ANXA13: variants seen among roughly 807,000 people sequenced by gnomAD.
ANXA13 encodes annexin A13.
A neutral mutation model predicts 46.6 loss-of-function variants in ANXA13; 36 were observed. The ratio of observed to expected loss-of-function variants is 0.77; its 90% CI spans 0.59 to 1.02. The LOEUF (loss-of-function observed/expected upper bound fraction) is 1.02, where lower values mean the gene tolerates loss of function less well. Ranked by LOEUF, ANXA13 falls within the 50% of genes least tolerant of loss-of-function variation. The pLI is 0.00. For missense variants in ANXA13, 417 were observed against 396.5 expected (o/e 1.05, Z -0.44); for synonymous variants, 163 against 152.9 (o/e 1.07, Z -0.49).
intron 2 of ANXA13, among the ~76,000 whole-genome samples, chr8:123,703,036 C>T (rs1420753330): frequency 6.6e-6 from 1 of 152,128 alleles, no homozygotes; most frequent in African/African-American, 2.4e-5. Context: ...AAACATATGT[C>T]CACCCAACAA....
intron 2 of ANXA13, among the ~76,000 whole-genome samples, chr8:123,709,537 T>G (rs1487859376): frequency 6.6e-6 from 1 of 152,156 alleles, no homozygotes; most frequent in East Asian, 1.9e-4. Context: ...GTTTTTTGAA[T>G]TTTTGCAATC....
At chr8:123,726,942 G>A (rs1460689871) in intron 1 of ANXA13, among the ~76,000 whole-genome samples, 2 of 152,168 alleles carry the variant, frequency 1.3e-5, no homozygotes, top group Non-Finnish European at 2.9e-5. Context: ...TCTAAGTGAA[G>A]TAACTCAGGA....
intron 1 of ANXA13, among the ~76,000 whole-genome samples, chr8:123,715,277 T>C (rs1167328559): frequency 6.6e-6 from 1 of 152,220 alleles, no homozygotes; most frequent in East Asian, 1.9e-4. Context: ...CCCTATGCAG[T>C]TGCAGAGGCT....
rs150167681 is a variant in ANXA13, at chr8:123,695,543, T to C, written c.430A>G (p.Thr144Ala). Residue 144 changes from threonine to alanine, a missense_variant, in exon 6 of 11, where the codon ACA becomes GCA. Transcript: ENST00000419625. ...RSLESDVKGD[T>A]SGNLKKILVS... Reference sequence around the variant, plus strand: ...AGGATTTTTTTTAGGTTTCCACTTGTATCACCTTTGACATCTGATTCGAGG... The same window carrying C: ...AGGATTTTTTTTAGGTTTCCACTTGCATCACCTTTGACATCTGATTCGAGG... 545 of 1,614,178 alleles carry C rather than the reference T, an allele frequency of 3.4e-4. 1 individual carries two copies. In the African/African-American group the frequency reaches 6.8e-3, roughly 20 times the overall value.
intron 1 of ANXA13, among the ~76,000 whole-genome samples, chr8:123,717,772 G>A (rs1349434515): frequency 6.6e-6 from 1 of 152,308 alleles, no homozygotes; most frequent in African/African-American, 2.4e-5. Context: ...GGAGTAGGCC[G>A]AGGCGACTTT....
chr8:123,681,250 A>G lies in ANXA13; in HGVS notation c.941T>C (p.Leu314Pro). The G allele has an allele frequency of 6.2e-7, 1 of 1,613,496 alleles. No individual in the cohort carries two copies. Among genetic ancestry groups the G allele is most frequent in the Middle Eastern group, 1.7e-4 (1 of 6,060 alleles). The stretch of plus-strand genomic sequence containing the variant: ...TTGCCCTGGCTTGGCTCAGTGCAAG[A>G]GGGCTACTAGCAGTTTCCGGAAGTC... ...SGDFRKLLVA[L>P]LH is the part of the protein sequence containing the mutation. Residue 314 changes from leucine (L) to proline (P), a missense_variant, in exon 11 of 11, where the codon CTC (leucine) becomes CCC (proline). Physicochemically the swap from Leu to Pro is moderately conservative, Grantham distance 98. Coordinates refer to ENST00000419625, the MANE Select transcript of ANXA13 (RefSeq NM_004306.4).
At chr8:123,733,190 T>A (rs1412699318) in intron 1 of ANXA13, among the ~76,000 whole-genome samples, 1 of 148,086 alleles carries the variant, frequency 6.8e-6, no homozygotes, top group Non-Finnish European at 1.5e-5. Context: ...CCTAATCTTA[T>A]TTATTTAAGA....
chr8:123,730,894 C>T (rs544399931), intron 1 of ANXA13, among the ~76,000 whole-genome samples: 14 of 152,182 alleles, frequency 9.2e-5, no homozygotes, highest in East Asian at 3.9e-4. Context: ...GGGAGTTCTC[C>T]GGGCTGCATT....
Position 123,681,156 on chromosome 8 carries a change from C to A in ANXA13, c.*84G>T, listed in dbSNP as rs1352786101. ...TCCGGGACTCTTAAGGGTTTTCGTGCGGGAGTCTCATTTGCAAGTTTGATT... is the reference window on the plus strand; with the variant it reads ...TCCGGGACTCTTAAGGGTTTTCGTGAGGGAGTCTCATTTGCAAGTTTGATT... On this transcript the variant is annotated 3_prime_UTR_variant, in exon 11 of 11. Transcript: ENST00000419625. The A allele has an allele frequency of 6.7e-6, 10 of 1,495,884 alleles. No individual in the cohort carries two copies. Among genetic ancestry groups the A allele is most frequent in the Middle Eastern group, 2.3e-4 (1 of 4,422 alleles). 92.7% of individuals were successfully genotyped at this position (1,495,884 alleles called of 1,614,324 possible).
rs771846238 is a variant in ANXA13, at chr8:123,681,218, G to C, written c.*22C>G. 6.3e-7 allele frequency: 1 copy of C among 1,587,860 alleles called. No homozygotes were observed. The highest frequency in any genetic ancestry group is 8.6e-7 in the Non-Finnish European group (1 of 1,167,600). Reference sequence around the variant, plus strand: ...CTTGACAAAGGCGGTTCCACCCTGTGTTCCTATTGCCCTGGCTTGGCTCAG... The same window carrying C: ...CTTGACAAAGGCGGTTCCACCCTGTCTTCCTATTGCCCTGGCTTGGCTCAG... On this transcript the variant is annotated 3_prime_UTR_variant, in exon 11 of 11. Coordinates refer to ENST00000419625, the MANE Select transcript of ANXA13 (RefSeq NM_004306.4).
Position 123,715,631 on chromosome 8 carries a change from TG to T in ANXA13, c.16-2879del, listed in dbSNP as rs541596627. Among the ~76,000 whole-genome samples the T allele has an allele frequency of 2.0e-3, 301 of 152,334 alleles. 2 individuals are homozygous for T. Among genetic ancestry groups the T allele is most frequent in the African/African-American group, 7.0e-3 (292 of 41,584 alleles). Reference sequence around the variant, plus strand: ...CTGCCTGAGGCCCTGGCTGAGGGGCTGGGGCAGAACTGAGCTGGGGGCATGC... The same window carrying T: ...CTGCCTGAGGCCCTGGCTGAGGGGCTGGGCAGAACTGAGCTGGGGGCATGC... On this transcript the variant is annotated intron_variant, in intron 1 of 10. Transcript: ENST00000419625.
chr8:123,682,599 A>G (rs529008447), intron 10 of ANXA13, among the ~76,000 whole-genome samples: 48 of 152,238 alleles, frequency 3.2e-4, no homozygotes, highest in African/African-American at 1.1e-3. Flanking sequence ...GAGGGTTTGC[A>G]GTGGATGTGG....
chr8:123,702,882 C>T lies in ANXA13; in HGVS notation c.92-146G>A, dbSNP rs1813470929. On this transcript the variant is annotated intron_variant, in intron 2 of 10. Coordinates refer to ENST00000419625, the MANE Select transcript of ANXA13 (RefSeq NM_004306.4). ...ACCCAACGGACCCTTAGCTTTGATG[C>T]CTTGTGCTGAAAACTGTATTCTTTT... The T allele has an allele frequency of 1.2e-5, 8 of 667,364 alleles. No individual in the cohort carries two copies. The Admixed American group carries it at 1.3e-4, about 11-fold the overall frequency. The allele number at this position is 667,364 out of a possible 1,614,324, so 41.3% of individuals were successfully genotyped here.
chr8:123,706,344 C>T (rs1813539431), intron 2 of ANXA13, among the ~76,000 whole-genome samples: 1 of 152,256 alleles, frequency 6.6e-6, no homozygotes, highest in Admixed American at 6.5e-5. Context: ...ATTCAGGCCA[C>T]TCCTGTCCCA....
intron 4 of ANXA13, among the ~76,000 whole-genome samples, 179 bp from the exon 5 acceptor site, chr8:123,695,900 C>T (rs6983588): frequency 1.8e-4 from 26 of 143,660 alleles, no homozygotes; most frequent in Non-Finnish European, 3.6e-4. Flanking sequence ...GGAGATGTGA[C>T]GGCCCGCCCC....
Position 123,690,879 on chromosome 8 carries a change from G to A in ANXA13, c.643-1933C>T, listed in dbSNP as rs1047517214. Among the ~76,000 whole-genome samples the A allele has an allele frequency of 6.6e-6, 1 of 152,206 alleles. No individual in the cohort carries two copies. Among genetic ancestry groups the A allele is most frequent in the East Asian group, 1.9e-4 (1 of 5,192 alleles). ...GCTGAAGCCTCTGGCGTGGAATAAG[G>A]AACATGTACAGGGGAGGGGCAAAGG... On this transcript the variant is annotated intron_variant, in intron 8 of 10. Transcript: ENST00000419625. This position sits in a 1 kb window ranked among gnomAD's most constrained non-coding sequence, Gnocchi z 4.6.
At chr8:123,692,310 T>C (rs1198400981) in intron 8 of ANXA13, among the ~76,000 whole-genome samples, 3 of 152,194 alleles carry the variant, frequency 2.0e-5, no homozygotes, top group African/African-American at 4.8e-5. Flanking sequence ...GTCACAATAG[T>C]TGTTCGGCCT....
At chr8:123,706,844 C>G (rs1338798984) in intron 2 of ANXA13, among the ~76,000 whole-genome samples, 1 of 152,234 alleles carries the variant, frequency 6.6e-6, no homozygotes, top group African/African-American at 2.4e-5. Flanking sequence ...TTTCCACCCA[C>G]TTTGTAGATG....
chr8:123,709,109 C>T lies in ANXA13; in HGVS notation c.91+3569G>A, dbSNP rs936473908. On this transcript the variant is annotated intron_variant, in intron 2 of 10. Coordinates refer to ENST00000419625, the MANE Select transcript of ANXA13 (RefSeq NM_004306.4). Reference sequence around the variant, plus strand: ...CACCCTGAGTGATGGAGAACAAGGGCGCGCCTACTCAATGCTCATACCGAT... The same window carrying T: ...CACCCTGAGTGATGGAGAACAAGGGTGCGCCTACTCAATGCTCATACCGAT... Among the ~76,000 whole-genome samples, 6 of 152,316 alleles carry T rather than the reference C, an allele frequency of 3.9e-5. No homozygotes were observed. In the East Asian group the frequency reaches 5.8e-4, roughly 15 times the overall value.
Sources: allele counts gnomAD v4.1 joint callset (sites outside exome capture counted in the v4.1 genomes callset), GRCh38; gene constraint gnomAD v4.1.1; non-coding constraint Gnocchi (gnomAD v3.1); transcripts MANE v1.5; gene names NCBI Gene and HGNC (gene_info 2026-07-23, HGNC 2026-07-21).